The following TRPM8 variants were observed in gnomAD, a reference collection of about 807,000 sequenced individuals.
TRPM8 encodes the protein TRPM8 cationic channel.
Under a neutral mutation model 133.7 loss-of-function variants are expected in TRPM8, and 110 were observed. The observed-to-expected ratio is 0.82, with a 90% CI of 0.70 to 0.96. The LOEUF (loss-of-function observed/expected upper bound fraction) is 0.96. Among genes scored for constraint, TRPM8 ranks in the 40% least tolerant of loss-of-function variants. The pLI is 0.00. For synonymous variants in TRPM8, 535 were observed against 532.3 expected (o/e 1.01, Z -0.07); for missense variants, 1,291 against 1,379.5 (o/e 0.94, Z 1.02).
intron 24 of TRPM8, among the ~76,000 whole-genome samples, chr2:234,008,749 C>A (rs1692759697): frequency 6.6e-6 from 1 of 152,010 alleles, no homozygotes; most frequent in Admixed American, 6.5e-5. Context: ...TAGACAGGAC[C>A]CCATCTGGTT....
chr2:234,012,474 A>AGTGTGTGTGTGTGTGT (rs762448731), intron 24 of TRPM8, among the ~76,000 whole-genome samples: 1 of 105,870 alleles, frequency 9.4e-6, no homozygotes, highest in South Asian at 3.1e-4. Flanking sequence ...TGTGTGTGTG[A>AGTGTGTGTGTGTGTGT]GAGTGTGTGT....
intron 1 of TRPM8, 63 bp from the exon 2 acceptor site, chr2:233,926,470 G>A: frequency 7.9e-7 from 1 of 1,260,784 alleles, no homozygotes; most frequent in East Asian, 2.3e-5. Flanking sequence ...TTGGGGTGAA[G>A]CTTTGAAGGA....
chr2:233,971,150 T>C (rs1350896767), intron 17 of TRPM8, among the ~76,000 whole-genome samples: 1 of 152,232 alleles, frequency 6.6e-6, no homozygotes, highest in Non-Finnish European at 1.5e-5. Flanking sequence ...TTGTCCCCTC[T>C]GAACCTAAAT....
chr2:233,968,266 A>G (rs192689497), intron 15 of TRPM8: 3 of 152,400 alleles, frequency 2.0e-5, no homozygotes, highest in Admixed American at 1.3e-4. Context: ...GAGGATGTCA[A>G]TACAAGGAGT....
intron 22 of TRPM8, among the ~76,000 whole-genome samples, chr2:234,001,847 T>C (rs1057414982): frequency 4.6e-5 from 7 of 152,038 alleles, no homozygotes; most frequent in Non-Finnish European, 1.0e-4. Flanking sequence ...GAGCCTGCGA[T>C]GCAGTGAGTG....
intron 6 of TRPM8, 126 bp downstream of exon 6, chr2:233,942,874 G>A: frequency 8.7e-7 from 1 of 1,148,236 alleles, no homozygotes; most frequent in Non-Finnish European, 1.3e-6. Flanking sequence ...TGCCTTTCAA[G>A]GAGTGCCTTT....
intron 6 of TRPM8, among the ~76,000 whole-genome samples, chr2:233,943,589 A>G (rs1474850201): frequency 6.6e-6 from 1 of 152,234 alleles, no homozygotes; most frequent in Non-Finnish European, 1.5e-5. Context: ...GTCCTTGGTT[A>G]AATGGGCATT....
intron 17 of TRPM8, among the ~76,000 whole-genome samples, chr2:233,976,079 T>C (rs1164839515): frequency 1.3e-5 from 2 of 152,128 alleles, no homozygotes; most frequent in Non-Finnish European, 2.9e-5. Context: ...AACAAATACT[T>C]CACACCCCTA....
At chr2:233,996,293 G>A in intron 21 of TRPM8, 33 bp from the exon 22 acceptor site, 1 of 1,606,930 alleles carries the variant, frequency 6.2e-7, no homozygotes, top group Admixed American at 1.7e-5. Context: ...CATGCGCAAT[G>A]CTAAGTCTTG....
At chr2:234,009,564 G>C (rs1692780904) in intron 24 of TRPM8, among the ~76,000 whole-genome samples, 1 of 152,164 alleles carries the variant, frequency 6.6e-6, no homozygotes, top group African/African-American at 2.4e-5. Flanking sequence ...CTAGGGTCCA[G>C]GAAGTTCGTC....
Position 233,961,066 on chromosome 2 carries a change from C to T in TRPM8, c.1653C>T (p.His551=), listed in dbSNP as rs755156024. ...NGRDEMDIEL[H]DVSPITRHPL... is the part of the protein sequence containing the mutation. Reference sequence around the variant, plus strand: ...GGGACGAGATGGACATAGAACTCCACGTAGGTACTGGGAGAGTTGCCTGCT... The same window carrying T: ...GGGACGAGATGGACATAGAACTCCATGTAGGTACTGGGAGAGTTGCCTGCT... The change falls in exon 12 of 26, where the codon CAC becomes CAT. Residue 551 remains histidine, a splice_region_variant and synonymous_variant. Transcript: ENST00000324695. 6.2e-6 allele frequency: 10 copies of T among 1,612,826 alleles called. No homozygotes were observed. The highest frequency in any genetic ancestry group is 5.3e-5 in the African/African-American group (4 of 74,862).
intron 17 of TRPM8, chr2:233,979,986 A>G (rs190140029): frequency 5.3e-5 from 31 of 587,168 alleles, no homozygotes; most frequent in African/African-American, 4.2e-4. Flanking sequence ...GAAGAGCAGA[A>G]CAGCCAGTGT....
intron 24 of TRPM8, among the ~76,000 whole-genome samples, chr2:234,008,691 C>T (rs372280948): frequency 8.5e-5 from 13 of 152,100 alleles, no homozygotes; most frequent in South Asian, 4.2e-4. Flanking sequence ...AATGGCATCC[C>T]GGATGATGAC....
At chr2:233,971,447 T>C (rs561977332) in intron 17 of TRPM8, among the ~76,000 whole-genome samples, 88 of 152,300 alleles carry the variant, frequency 5.8e-4, no homozygotes, top group African/African-American at 1.9e-3. Context: ...GGGTATGACC[T>C]GGGGGAAGAG....
intron 8 of TRPM8, chr2:233,947,440 G>A (rs960533076): frequency 2.1e-6 from 3 of 1,419,150 alleles, no homozygotes; most frequent in African/African-American, 2.9e-5. Context: ...GAGACTTAAA[G>A]ATTGTAACCG....
intron 8 of TRPM8, among the ~76,000 whole-genome samples, chr2:233,948,957 C>G (rs984566395): frequency 6.6e-6 from 1 of 152,202 alleles, no homozygotes; most frequent in Non-Finnish European, 1.5e-5. Flanking sequence ...TCGCTTGAAC[C>G]CAGAAGCTGG....
chr2:233,978,538 T>C (rs376569129), intron 17 of TRPM8, among the ~76,000 whole-genome samples: 16 of 152,224 alleles, frequency 1.1e-4, no homozygotes, highest in African/African-American at 2.7e-4. Flanking sequence ...AACAATATTC[T>C]GTTTCCCATA....
rs187367694 is a variant in TRPM8 at position 234,015,095 on chromosome 2, C to A, written c.*42+441C>A. ...TATTATATTTATTACTATGAATATA[C>A]AAATATGTTAATCATCTTTTTACTA... On this transcript the variant is annotated intron_variant, in intron 25 of 25. Coordinates refer to ENST00000324695, the MANE Select transcript of TRPM8 (RefSeq NM_024080.5). 1.1e-3 allele frequency among the ~76,000 whole-genome samples: 173 copies of A among 152,262 alleles called. 1 individual carries two copies. The highest frequency in any genetic ancestry group is 1.9e-3 in the Non-Finnish European group (129 of 68,030).
At chr2:233,966,843 C>T (rs1691589977) in intron 15 of TRPM8, 88 bp downstream of exon 15, 1 of 1,403,542 alleles carries the variant, frequency 7.1e-7, no homozygotes, top group African/African-American at 1.5e-5. Flanking sequence ...ATAGTAAAAA[C>T]AAACCTTATT....
Sources: allele counts gnomAD v4.1 joint callset (sites outside exome capture counted in the v4.1 genomes callset), GRCh38; gene constraint gnomAD v4.1.1; transcripts MANE v1.5; gene names NCBI Gene and HGNC (gene_info 2026-07-23, HGNC 2026-07-21).